The following ZNF212 variants were observed in gnomAD, a reference collection of about 807,000 sequenced individuals.
ZNF212 encodes zinc finger protein 212, also known as Zinc finger protein C2H2-150.
A neutral mutation model predicts 47.3 loss-of-function variants in ZNF212; 32 were observed. The ratio of observed to expected loss-of-function variants is 0.68; its 90% CI spans 0.51 to 0.91. ZNF212 has a LOEUF of 0.91. Ranked by LOEUF, ZNF212 falls within the 40% of genes least tolerant of loss-of-function variation. The pLI is 0.00. For synonymous variants in ZNF212, 242 were observed against 253.8 expected (o/e 0.95, Z 0.44); for missense variants, 555 against 622.8 (o/e 0.89, Z 1.16).
At position 149,250,662 on chromosome 7, in the gene ZNF212, G is replaced by A. The variant is rs779930018; in HGVS notation, c.415-19G>A. On this transcript the variant is annotated intron_variant, in intron 2 of 4. Transcript: ENST00000335870. ...AGCTGTGAGTAGAAGCACTCATGGT[G>A]TGCCATTGGTGATTCCAGGTGTCCA... 6.2e-7 allele frequency: 1 copy of A among 1,614,174 alleles called. No individual in the cohort carries two copies. The highest frequency in any genetic ancestry group is 8.5e-7 in the Non-Finnish European group (1 of 1,180,002).
intron 3 of ZNF212, among the ~76,000 whole-genome samples, chr7:149,252,163 T>A (rs980389197): frequency 2.0e-5 from 3 of 152,180 alleles, no homozygotes; most frequent in African/African-American, 7.2e-5. Context: ...GTGTTTTGTT[T>A]GGTAGACAAA....
chr7:149,253,610 C>T lies in ZNF212; in HGVS notation c.683C>T (p.Ala228Val), dbSNP rs185003508. The T allele has an allele frequency of 1.1e-4, 171 of 1,614,002 alleles. 2 individuals are homozygous for T. The highest frequency in any genetic ancestry group is 1.3e-4 in the Non-Finnish European group (156 of 1,179,902). The change falls in exon 5 of 5, where the codon GCG (alanine) becomes GTG (valine). Residue 228 changes from alanine to valine, a missense_variant. Transcript: ENST00000335870. ...QELQYTQEGPADLPGEFSCIA... is the reference protein window; with the variant it reads ...QELQYTQEGPVDLPGEFSCIA... Reference sequence around the variant, plus strand: ...CTACAGTATACACAGGAAGGCCCTGCGGATCTTCCTGGAGAGTTCTCATGC... The same window carrying T: ...CTACAGTATACACAGGAAGGCCCTGTGGATCTTCCTGGAGAGTTCTCATGC...
intron 1 of ZNF212, among the ~76,000 whole-genome samples, chr7:149,245,153 C>T (rs141372537): frequency 0.037 from 5,554 of 151,638 alleles, 277 homozygotes; most frequent in East Asian, 0.22. Context: ...GTTTGAGACC[C>T]GCCTGGGCAA....
Position 149,254,227 on chromosome 7 carries a change from A to G in ZNF212, c.1300A>G (p.Lys434Glu). 1 of 1,614,270 alleles carries G rather than the reference A, an allele frequency of 6.2e-7. No homozygotes were observed. The highest frequency in any genetic ancestry group is 8.5e-7 in the Non-Finnish European group (1 of 1,180,050). ...RSSLICGYCG[K>E]SFSHPSDLVR... ...TTCCCTCATCTGTGGTTACTGTGGC[A>G]AGAGCTTCAGTCACCCATCTGACTT... Residue 434 changes from lysine to glutamate, a missense_variant, in exon 5 of 5, where the codon AAG (lysine) becomes GAG (glutamate). Physicochemically the swap from Lys to Glu is moderately conservative, Grantham distance 56. Coordinates refer to ENST00000335870, the MANE Select transcript of ZNF212 (RefSeq NM_012256.4). This position sits in a 1 kb window ranked among gnomAD's most constrained non-coding sequence, Gnocchi z 4.5.
At chr7:149,252,493 A>C (rs1198375461) in intron 3 of ZNF212, among the ~76,000 whole-genome samples, 1 of 152,236 alleles carries the variant, frequency 6.6e-6, no homozygotes, top group Non-Finnish European at 1.5e-5. Context: ...CCTCTAATGG[A>C]GGAGCACTGG....
chr7:149,246,064 C>T (rs1796671772), intron 1 of ZNF212, among the ~76,000 whole-genome samples: 1 of 152,160 alleles, frequency 6.6e-6, no homozygotes, highest in Non-Finnish European at 1.5e-5. Context: ...TTATTGACTG[C>T]CTGCATTTCC....
At chr7:149,240,783 A>G (rs1347738169) in intron 1 of ZNF212, among the ~76,000 whole-genome samples, 2 of 152,186 alleles carry the variant, frequency 1.3e-5, no homozygotes, top group Non-Finnish European at 2.9e-5. Flanking sequence ...CTTTGTGAGA[A>G]TGGAGGGCTA....
intron 1 of ZNF212, among the ~76,000 whole-genome samples, chr7:149,248,772 C>G (rs58784076): frequency 0.075 from 11,407 of 152,234 alleles, 522 homozygotes; most frequent in African/African-American, 0.11. Context: ...TTACATTGAA[C>G]TTTTCTTTTA....
At chr7:149,242,978 C>CA (rs1772715220) in intron 1 of ZNF212, among the ~76,000 whole-genome samples, 1 of 151,676 alleles carries the variant, frequency 6.6e-6, no homozygotes, top group African/African-American at 2.4e-5. Flanking sequence ...ATAAATAGCA[C>CA]AAAAAAGGTA....
At chr7:149,241,697 C>T (rs2129524154) in intron 1 of ZNF212, among the ~76,000 whole-genome samples, 1 of 152,260 alleles carries the variant, frequency 6.6e-6, no homozygotes, top group South Asian at 2.1e-4. Context: ...AGAGGAAACT[C>T]GAAAGTGATA....
Position 149,243,952 on chromosome 7 carries a change from G to T in ZNF212, c.24+4150G>T, listed in dbSNP as rs1796637728. On this transcript the variant is annotated intron_variant, in intron 1 of 4. Transcript: ENST00000335870. ...AATTTTATTTATTTATTTTGAGACA[G>T]ACTCTCACTCTGTCACCCAGGCTGG... 2.0e-5 allele frequency among the ~76,000 whole-genome samples: 3 copies of T among 152,286 alleles called. No homozygotes were observed. The South Asian group carries it at 6.2e-4, about 32-fold the overall frequency.
chr7:149,243,584 T>C (rs543319024), intron 1 of ZNF212, among the ~76,000 whole-genome samples: 92 of 152,248 alleles, frequency 6.0e-4, no homozygotes, highest in African/African-American at 2.0e-3. Flanking sequence ...TTAGTATCTT[T>C]AGAGATAGAA....
chr7:149,243,638 C>T (rs1585591478), intron 1 of ZNF212, among the ~76,000 whole-genome samples: 1 of 152,188 alleles, frequency 6.6e-6, no homozygotes. Flanking sequence ...AATTTACCAG[C>T]TAGATACAAA....
Position 149,239,654 on chromosome 7 carries a change from A to G in ZNF212, c.-125A>G. 1 of 1,016,956 alleles carries G rather than the reference A, an allele frequency of 9.8e-7. No homozygotes were observed. Among genetic ancestry groups the G allele is most frequent in the Non-Finnish European group, 1.3e-6 (1 of 784,714 alleles). 63.0% of individuals were successfully genotyped at this position (1,016,956 alleles called of 1,614,324 possible). A position where few individuals can be genotyped will look rare whatever the true frequency, so the allele number is the denominator to read the frequency against. ...TGCCGGGGAGGTCGCTGCTCCCAGAATGCACCTGGCATCAACACGGCGGCG... is the reference window on the plus strand; with the variant it reads ...TGCCGGGGAGGTCGCTGCTCCCAGAGTGCACCTGGCATCAACACGGCGGCG... On this transcript the variant is annotated 5_prime_UTR_variant, in exon 1 of 5. The change abolishes an upstream ATG in the 5' untranslated region. Coordinates refer to ENST00000335870, the MANE Select transcript of ZNF212 (RefSeq NM_012256.4).
chr7:149,252,402 C>T (rs960332286), intron 3 of ZNF212, among the ~76,000 whole-genome samples: 3 of 152,140 alleles, frequency 2.0e-5, no homozygotes, highest in Admixed American at 6.6e-5. Flanking sequence ...TTAAGCTGCA[C>T]GCACATGGAG....
rs941421458 is a variant in ZNF212, at chr7:149,239,816, G to A, written c.24+14G>A. The A allele has an allele frequency of 1.6e-6, 2 of 1,272,868 alleles. No homozygotes were observed. Among genetic ancestry groups the A allele is most frequent in the Non-Finnish European group, 2.0e-6 (2 of 1,001,256 alleles). The allele number at this position is 1,272,868 out of a possible 1,614,324, so 78.8% of individuals were successfully genotyped here. ...GCGCCTGCTCGGGTAAAGAGGCACC[G>A]GCGCGCTGGCTCGAGGGCGCGTTGG... On this transcript the variant is annotated intron_variant, in intron 1 of 4. Coordinates refer to ENST00000335870, the MANE Select transcript of ZNF212 (RefSeq NM_012256.4).
At chr7:149,248,270 G>T (rs1796705669) in intron 1 of ZNF212, among the ~76,000 whole-genome samples, 1 of 152,072 alleles carries the variant, frequency 6.6e-6, no homozygotes, top group Non-Finnish European at 1.5e-5. Flanking sequence ...GCGTCTAAAG[G>T]TCCTCTGTTT....
Position 149,239,705 on chromosome 7 carries a change from G to A in ZNF212, c.-74G>A. 3 of 1,249,278 alleles carry A rather than the reference G, an allele frequency of 2.4e-6. No individual in the cohort carries two copies. Among genetic ancestry groups the A allele is most frequent in the Non-Finnish European group, 3.1e-6 (3 of 982,400 alleles). 77.4% of individuals were successfully genotyped at this position (1,249,278 alleles called of 1,614,324 possible). A position where few individuals can be genotyped will look rare whatever the true frequency, so the allele number is the denominator to read the frequency against. The stretch of plus-strand genomic sequence containing the variant: ...GCGGCGGCGGCTTCCAACAGGCTCT[G>A]GGGCGCCGAGCGGACAGGAACGCAG... On this transcript the variant is annotated 5_prime_UTR_variant, in exon 1 of 5. Transcript: ENST00000335870.
intron 3 of ZNF212, 27 bp from the exon 4 acceptor site, chr7:149,252,679 G>C: frequency 6.2e-7 from 1 of 1,610,356 alleles, no homozygotes; most frequent in Non-Finnish European, 8.5e-7. Context: ...TCTCTCCTGG[G>C]CTCACACTGT....
Sources: gnomAD v4.1 joint callset for allele counts (sites outside exome capture counted in the v4.1 genomes callset) on GRCh38, gnomAD v4.1.1 for gene constraint, Gnocchi (gnomAD v3.1) non-coding constraint, MANE v1.5 for transcripts, NCBI Gene and HGNC (gene_info 2026-07-23, HGNC 2026-07-21) for gene names.